HIF3A: variants seen among roughly 807,000 people sequenced by gnomAD.
The protein encoded by HIF3A is hypoxia-inducible factor 3-alpha.
In HIF3A, 41 loss-of-function variants were observed where a neutral mutation model predicts 67.2. That is an observed-to-expected ratio of 0.61 (90% CI 0.48 to 0.79). The LOEUF is 0.79. Among genes scored for constraint, HIF3A ranks in the 30% least tolerant of loss-of-function variants. The pLI is 0.00. For missense variants in HIF3A, 855 were observed against 898.0 expected (o/e 0.95, Z 0.61); for synonymous variants, 356 against 374.8 (o/e 0.95, Z 0.58).
At chr19:46,322,433 C>CT (rs1020580113) in intron 10 of HIF3A, among the ~76,000 whole-genome samples, 2 of 151,868 alleles carry the variant, frequency 1.3e-5, no homozygotes, top group African/African-American at 4.8e-5. Context: ...TCCAGAATTT[C>CT]TTTTTTATTT....
At chr19:46,336,589 G>A (rs1053303486) in intron 14 of HIF3A, among the ~76,000 whole-genome samples, 3 of 152,032 alleles carry the variant, frequency 2.0e-5, no homozygotes, top group African/African-American at 4.8e-5. Context: ...ATTTCACCAC[G>A]TTGCCCAGGC....
intron 13 of HIF3A, among the ~76,000 whole-genome samples, chr19:46,332,161 T>C (rs937379853): frequency 2.0e-5 from 3 of 152,096 alleles, no homozygotes; most frequent in Non-Finnish European, 2.9e-5. Context: ...TAGTTACATC[T>C]CACGGGACTG....
Position 46,305,240 on chromosome 19 carries a change from A to T in HIF3A, c.218-5A>T. On this transcript the variant is annotated splice_polypyrimidine_tract_variant and splice_region_variant and intron_variant, in intron 2 of 14. Coordinates refer to ENST00000377670, the MANE Select transcript of HIF3A (RefSeq NM_152795.4). ...ATGCCCCCATCCCCCTGCCCCGGGC[A>T]CCAGGGGAGTGGAACCAGGTGGGAG... The T allele has an allele frequency of 6.2e-7, 1 of 1,613,878 alleles. No individual in the cohort carries two copies. The highest frequency in any genetic ancestry group is 2.2e-5 in the East Asian group (1 of 44,880).
At chr19:46,310,680 C>G in intron 6 of HIF3A, 1 of 440,664 alleles carries the variant, frequency 2.3e-6, no homozygotes. Flanking sequence ...TACAGTCGTT[C>G]TGAGCAGCTC....
intron 6 of HIF3A, chr19:46,310,502 CCTT>C (rs774204393): frequency 4.2e-5 from 17 of 409,356 alleles, no homozygotes; most frequent in South Asian, 2.8e-4. Context: ...TCCTTCTCTT[CCTT>C]CTTCTGTCTT....
chr19:46,324,153 C>T (rs375531271), intron 10 of HIF3A, among the ~76,000 whole-genome samples: 1 of 152,148 alleles, frequency 6.6e-6, no homozygotes, highest in Non-Finnish European at 1.5e-5. Flanking sequence ...TTATCAGCCA[C>T]GTTACCCTGG....
chr19:46,325,404 C>T (rs1970707034), intron 10 of HIF3A, 131 bp from the exon 11 acceptor site: 11 of 668,170 alleles, frequency 1.6e-5, no homozygotes, highest in South Asian at 1.4e-4. Context: ...CTGCATTTGC[C>T]GTTGGACCCC....
At chr19:46,316,373 T>TA (rs1219891221) in intron 8 of HIF3A, among the ~76,000 whole-genome samples, 2 of 152,192 alleles carry the variant, frequency 1.3e-5, no homozygotes, top group African/African-American at 4.8e-5. Context: ...GGTTTGGTGT[T>TA]ACTTTTAGTC....
chr19:46,303,938 G>A lies in HIF3A; in HGVS notation c.67G>A (p.Ala23Thr). ...ELRKEKSRDA[A>T]RSRRSQETEV... Reference sequence around the variant, plus strand: ...GCGCAAGGAAAAGTCCCGGGATGCGGCCCGCAGCCGGCGCAGCCAGGAGAC... The same window carrying A: ...GCGCAAGGAAAAGTCCCGGGATGCGACCCGCAGCCGGCGCAGCCAGGAGAC... Residue 23 changes from alanine (A) to threonine (T), a missense_variant, in exon 2 of 15, where the codon GCC becomes ACC. Around this residue, in one of 3 missense-constraint regions of HIF3A, gnomAD observed 638 missense variants for 660.5 expected, o/e 0.97. Coordinates refer to ENST00000377670, the MANE Select transcript of HIF3A (RefSeq NM_152795.4). 6.2e-7 allele frequency: 1 copy of A among 1,608,004 alleles called. No homozygotes were observed. The highest frequency in any genetic ancestry group is 8.5e-7 in the Non-Finnish European group (1 of 1,177,768).
chr19:46,316,421 CT>C (rs201284240), intron 8 of HIF3A, among the ~76,000 whole-genome samples: 12,510 of 151,230 alleles, frequency 0.083, 586 homozygotes, highest in South Asian at 0.11. Context: ...CACGATGGGG[CT>C]TTTTTTTTCC....
At chr19:46,299,197 G>A (rs921274088) in intron 1 of HIF3A, among the ~76,000 whole-genome samples, 3 of 152,250 alleles carry the variant, frequency 2.0e-5, no homozygotes, top group African/African-American at 7.2e-5. Flanking sequence ...GCTGGACCAG[G>A]GCTGGGCATG....
At chr19:46,304,189 A>G in intron 2 of HIF3A, 101 bp downstream of exon 2, 1 of 1,055,336 alleles carries the variant, frequency 9.5e-7, no homozygotes, top group Non-Finnish European at 1.3e-6. Flanking sequence ...TTATTCTGAC[A>G]AAGCCCCGCC....
chr19:46,334,841 T>A, intron 13 of HIF3A, 64 bp from the exon 14 acceptor site: 1 of 1,385,132 alleles, frequency 7.2e-7, no homozygotes, highest in Non-Finnish European at 1.0e-6. Context: ...CAGTCACCAC[T>A]CCCGGCTGTT....
intron 11 of HIF3A, among the ~76,000 whole-genome samples, chr19:46,327,633 G>T (rs1970886028): frequency 6.6e-6 from 1 of 152,092 alleles, no homozygotes. Context: ...GTCTGCCCAA[G>T]ACTTCTGACA....
intron 1 of HIF3A, among the ~76,000 whole-genome samples, chr19:46,301,922 A>C (rs559230043): frequency 6.6e-6 from 1 of 152,040 alleles, no homozygotes; most frequent in African/African-American, 2.4e-5. Flanking sequence ...TACATGTAGA[A>C]TATATAGTAC....
intron 11 of HIF3A, among the ~76,000 whole-genome samples, chr19:46,326,186 C>T (rs1970766614): frequency 6.6e-6 from 1 of 152,194 alleles, no homozygotes. Context: ...GCCTCAATCC[C>T]TCACTTTGCT....
chr19:46,328,531 C>T (rs760353482), intron 11 of HIF3A, among the ~76,000 whole-genome samples: 8 of 152,196 alleles, frequency 5.3e-5, no homozygotes, highest in Non-Finnish European at 1.2e-4. Context: ...TTAGCTGGAT[C>T]ACCTCGTGTA....
At chr19:46,332,166 G>T (rs1971279642) in intron 13 of HIF3A, among the ~76,000 whole-genome samples, 1 of 152,244 alleles carries the variant, frequency 6.6e-6, no homozygotes, top group East Asian at 1.9e-4. Context: ...ACATCTCACG[G>T]GACTGCCATG....
chr19:46,342,693 C>G lies in HIF3A; in HGVS notation c.*3071C>G, dbSNP rs914480077. The G allele has an allele frequency of 2.6e-5, 4 of 152,206 alleles. No homozygotes were observed. Among genetic ancestry groups the G allele is most frequent in the Non-Finnish European group, 4.4e-5 (3 of 68,040 alleles). 9.4% of individuals were successfully genotyped at this position (152,206 alleles called of 1,614,324 possible). A position where few individuals can be genotyped will look rare whatever the true frequency, so the allele number is the denominator to read the frequency against. On this transcript the variant is annotated 3_prime_UTR_variant, in exon 15 of 15. Transcript: ENST00000377670. ...GAATCTAGACTTTTCCCTAAAGATT[C>G]CTCTGGTTCTGAATCTTATAACCTC...
Sources: gnomAD v4.1 joint callset for allele counts (sites outside exome capture counted in the v4.1 genomes callset) on GRCh38, gnomAD v4.1.1 for gene constraint, gnomAD v4.1.1 regional missense constraint, MANE v1.5 for transcripts, NCBI Gene and HGNC (gene_info 2026-07-23, HGNC 2026-07-21) for gene names.